CSMD1: variants seen among roughly 807,000 people sequenced by gnomAD.
CSMD1 encodes CUB and sushi domain-containing protein 1.
CSMD1 carries 213 observed loss-of-function variants against 417.5 expected under a neutral mutation model. The ratio of observed to expected loss-of-function variants is 0.51; its 90% CI spans 0.46 to 0.57. The LOEUF is 0.57. Ranked by LOEUF, CSMD1 falls within the 20% of genes least tolerant of loss-of-function variation. The pLI, the probability that CSMD1 is intolerant of heterozygous loss-of-function variation, is 0.00. For missense variants in CSMD1, 6,923 were observed against 4,529.7 expected (o/e 1.53, Z -15.17); for synonymous variants, 2,862 against 1,736.8 (o/e 1.65, Z -16.11).
intron 41 of CSMD1, chr8:3,127,500 T>C (rs527682666): frequency 1.3e-5 from 2 of 152,316 alleles, no homozygotes; most frequent in South Asian, 2.1e-4. Flanking sequence ...GGTGGCTTAA[T>C]TGCTTGTTCT....
intron 3 of CSMD1, among the ~76,000 whole-genome samples, chr8:4,154,267 T>A (rs935218160): frequency 4.9e-5 from 7 of 142,060 alleles, no homozygotes; most frequent in Non-Finnish European, 1.1e-4. Context: ...ACAGTAATGC[T>A]AAAAAATAAA....
At chr8:4,290,527 G>C (rs961448447) in intron 3 of CSMD1, among the ~76,000 whole-genome samples, 4 of 152,142 alleles carry the variant, frequency 2.6e-5, no homozygotes, top group African/African-American at 9.7e-5. Context: ...GTTTCTCTGA[G>C]TTATGGGGGA....
intron 11 of CSMD1, among the ~76,000 whole-genome samples, chr8:3,471,410 A>G (rs1563070807): frequency 6.6e-6 from 1 of 152,172 alleles, no homozygotes. Context: ...TCCACATGCA[A>G]TTACAACAAA....
intron 3 of CSMD1, among the ~76,000 whole-genome samples, chr8:4,350,632 G>A (rs1204696823): frequency 1.3e-5 from 2 of 152,194 alleles, no homozygotes; most frequent in Non-Finnish European, 2.9e-5. Flanking sequence ...CAATGGGCTA[G>A]AGAATTGCGA....
At chr8:3,385,874 T>C (rs1208627935) in intron 18 of CSMD1, among the ~76,000 whole-genome samples, 1 of 151,940 alleles carries the variant, frequency 6.6e-6, no homozygotes, top group Admixed American at 6.6e-5. Context: ...CAGGGCTGGG[T>C]ATGCATAGTC....
intron 2 of CSMD1, among the ~76,000 whole-genome samples, chr8:4,488,807 T>G (rs1334108449): frequency 6.6e-6 from 1 of 152,178 alleles, no homozygotes; most frequent in Non-Finnish European, 1.5e-5. Context: ...ATGTCCATAT[T>G]TCCTCTCTGC....
In CSMD1 at chr8:4,067,863, G is replaced by A. The variant is rs188655298; in HGVS notation, c.416-35764C>T. On this transcript the variant is annotated intron_variant, in intron 3 of 69. Transcript: ENST00000635120. ...GGAGGCCGAGGTGGGCGGATCATGA[G>A]GTCAAGAGATGGAGACCATCCTGGC... Among the ~76,000 whole-genome samples the A allele has an allele frequency of 2.7e-3, 409 of 152,214 alleles. 2 individuals are homozygous for A. The highest frequency in any genetic ancestry group is 4.4e-3 in the Non-Finnish European group (302 of 68,018).
Position 3,914,380 on chromosome 8 carries a change from T to A in CSMD1, c.818+83523A>T, listed in dbSNP as rs1449749334. On this transcript the variant is annotated intron_variant, in intron 5 of 69. Transcript: ENST00000635120. ...ATTACGTTGGATAGATGTAAAAACA[T>A]ACGGGTACAGATAAAGATGTTTGGT... 7.8e-4 allele frequency among the ~76,000 whole-genome samples: 118 copies of A among 152,178 alleles called. 1 individual carries two copies. Among genetic ancestry groups the A allele is most frequent in the South Asian group, 6.2e-4 (3 of 4,818 alleles).
At chr8:3,280,013 G>A (rs1388192783) in intron 26 of CSMD1, among the ~76,000 whole-genome samples, 1 of 152,114 alleles carries the variant, frequency 6.6e-6, no homozygotes, top group African/African-American at 2.4e-5. Flanking sequence ...GGAAAGAGAT[G>A]GTCAATGCAG....
intron 5 of CSMD1, among the ~76,000 whole-genome samples, chr8:3,959,934 T>A (rs1051035692): frequency 6.6e-6 from 1 of 152,222 alleles, no homozygotes. Context: ...AGCCCTGTAC[T>A]AGCCATTTGA....
At chr8:3,447,573 G>C (rs1031417809) in intron 12 of CSMD1, among the ~76,000 whole-genome samples, 1 of 152,220 alleles carries the variant, frequency 6.6e-6, no homozygotes, top group Non-Finnish European at 1.5e-5. Context: ...AGGGCGACAG[G>C]AAGGGTCAGA....
chr8:4,093,287 A>G (rs983467848), intron 3 of CSMD1, among the ~76,000 whole-genome samples: 3 of 152,242 alleles, frequency 2.0e-5, no homozygotes, highest in African/African-American at 7.2e-5. Flanking sequence ...AAAATAATTT[A>G]TCCTATACAA....
chr8:4,425,279 G>T (rs141505566), intron 2 of CSMD1, among the ~76,000 whole-genome samples: 259 of 151,826 alleles, frequency 1.7e-3, no homozygotes, highest in African/African-American at 5.9e-3. Context: ...ACTGTTCAGA[G>T]GTTTGGGGTA....
chr8:3,367,451 G>C (rs1381547084), intron 19 of CSMD1, among the ~76,000 whole-genome samples: 1 of 151,880 alleles, frequency 6.6e-6, no homozygotes, highest in Non-Finnish European at 1.5e-5. Flanking sequence ...CAGAGATGGA[G>C]AGAGATGGAG....
intron 2 of CSMD1, among the ~76,000 whole-genome samples, chr8:4,560,824 G>A (rs893325239): frequency 3.3e-5 from 5 of 152,240 alleles, no homozygotes; most frequent in Non-Finnish European, 7.4e-5. Context: ...TTCCTCTTCT[G>A]TCCTTCACAA....
At chr8:4,654,610 G>A (rs76266726) in intron 1 of CSMD1, among the ~76,000 whole-genome samples, 1,759 of 152,166 alleles carry the variant, frequency 0.012, 44 homozygotes, top group East Asian at 0.1. Flanking sequence ...AGTTCATATG[G>A]CTATAGATAT....
At chr8:4,381,971 T>C (rs1242290391) in intron 3 of CSMD1, among the ~76,000 whole-genome samples, 1 of 152,030 alleles carries the variant, frequency 6.6e-6, no homozygotes, top group Non-Finnish European at 1.5e-5. Context: ...GTGGACACTC[T>C]CTGTGGTAAA....
chr8:4,157,279 A>G (rs1183693375), intron 3 of CSMD1, among the ~76,000 whole-genome samples: 1 of 152,156 alleles, frequency 6.6e-6, no homozygotes, highest in Non-Finnish European at 1.5e-5. Context: ...TGACTAGTTT[A>G]GTGATGCAAT....
intron 6 of CSMD1, among the ~76,000 whole-genome samples, chr8:3,720,231 T>C (rs1802072969): frequency 6.6e-6 from 1 of 152,168 alleles, no homozygotes; most frequent in South Asian, 2.1e-4. Context: ...ACATGCCACG[T>C]CATCTTCACT....
Sources: gnomAD v4.1 joint callset for allele counts (sites outside exome capture counted in the v4.1 genomes callset) on GRCh38, gnomAD v4.1.1 for gene constraint, MANE v1.5 for transcripts, NCBI Gene and HGNC (gene_info 2026-07-23, HGNC 2026-07-21) for gene names.